Variants in HDAC9 observed in about 807,000 individuals in gnomAD.
HDAC9 encodes histone deacetylase 9.
A neutral mutation model predicts 139.4 loss-of-function variants in HDAC9; 41 were observed. The ratio of observed to expected loss-of-function variants is 0.29; its 90% CI spans 0.23 to 0.38. The LOEUF is 0.38. HDAC9 is among the 10% of genes least tolerant of loss of function. HDAC9 has a pLI of 1.00. For synonymous variants in HDAC9, 517 were observed against 476.2 expected (o/e 1.09, Z -1.12); for missense variants, 1,147 against 1,297.0 (o/e 0.88, Z 1.78).
intron 12 of HDAC9, among the ~76,000 whole-genome samples, chr7:18,671,002 T>G (rs896343927): frequency 1.3e-5 from 2 of 151,958 alleles, no homozygotes; most frequent in Non-Finnish European, 1.5e-5. Context: ...TAGGAGGGAC[T>G]GAAACAGAGT....
At chr7:18,301,318 A>C (rs1798523624) in intron 1 of HDAC9, among the ~76,000 whole-genome samples, 1 of 152,318 alleles carries the variant, frequency 6.6e-6, no homozygotes, top group South Asian at 2.1e-4. Context: ...GATGGAGCAA[A>C]TTAATTTAAA....
chr7:18,190,731 A>G (rs1192449171), intron 2 of HDAC9, among the ~76,000 whole-genome samples: 1 of 151,994 alleles, frequency 6.6e-6, no homozygotes, highest in African/African-American at 2.4e-5. Flanking sequence ...CCCAATTTTC[A>G]CTCTTATTAA....
At chr7:18,180,551 T>A (rs920473939) in intron 2 of HDAC9, among the ~76,000 whole-genome samples, 1 of 152,074 alleles carries the variant, frequency 6.6e-6, no homozygotes, top group Non-Finnish European at 1.5e-5. Flanking sequence ...CAGAACTCAA[T>A]GGGCTGTATA....
chr7:18,780,023 A>C (rs941034368), intron 16 of HDAC9, among the ~76,000 whole-genome samples: 1 of 152,024 alleles, frequency 6.6e-6, no homozygotes, highest in Non-Finnish European at 1.5e-5. Context: ...CTGCTCCAAA[A>C]GCGCTTTTTC....
At chr7:18,712,354 G>A (rs7812153) in intron 12 of HDAC9, among the ~76,000 whole-genome samples, 10,157 of 152,186 alleles carry the variant, frequency 0.067, 1,052 homozygotes, top group African/African-American at 0.22. Context: ...ATGGGCTCTA[G>A]CATGTGGGAC....
At chr7:18,167,397 T>G (rs1183059393) in intron 2 of HDAC9, among the ~76,000 whole-genome samples, 6 of 152,130 alleles carry the variant, frequency 3.9e-5, no homozygotes, top group African/African-American at 1.5e-4. Context: ...AAATTTGTTT[T>G]GAACATTTAT....
At chr7:18,923,500 C>T (rs1223177534) in intron 22 of HDAC9, among the ~76,000 whole-genome samples, 1 of 151,994 alleles carries the variant, frequency 6.6e-6, no homozygotes, top group African/African-American at 2.4e-5. Flanking sequence ...AAAGTCCTGG[C>T]AACTCCTCTT....
intron 2 of HDAC9, among the ~76,000 whole-genome samples, chr7:18,264,699 C>T (rs964864806): frequency 6.6e-6 from 1 of 152,138 alleles, no homozygotes; most frequent in Admixed American, 6.5e-5. Context: ...ACATTCTTGC[C>T]TATGCATACC....
chr7:18,353,162 A>G (rs1396078761), intron 1 of HDAC9, among the ~76,000 whole-genome samples: 1 of 152,208 alleles, frequency 6.6e-6, no homozygotes, highest in Non-Finnish European at 1.5e-5. Context: ...TGATACAGGC[A>G]TACAAAAGTT....
chr7:18,379,941 A>G (rs1331131482), intron 1 of HDAC9, among the ~76,000 whole-genome samples: 2 of 152,212 alleles, frequency 1.3e-5, no homozygotes, highest in African/African-American at 4.8e-5. Flanking sequence ...TTACTCAAGA[A>G]AACCTCCACT....
chr7:18,818,046 C>G (rs1156808024), intron 17 of HDAC9, among the ~76,000 whole-genome samples: 1 of 152,206 alleles, frequency 6.6e-6, no homozygotes, highest in Non-Finnish European at 1.5e-5. Context: ...AGTTCACACA[C>G]ATAAAACATC....
chr7:18,162,577 G>A (rs377392197), intron 2 of HDAC9: 29 of 544,074 alleles, frequency 5.3e-5, no homozygotes, highest in East Asian at 2.8e-4. Flanking sequence ...CTGAGCATGG[G>A]ACTTTAATTC....
chr7:18,573,275 ATTCTT>A (rs1824898486), intron 2 of HDAC9, among the ~76,000 whole-genome samples: 1 of 152,222 alleles, frequency 6.6e-6, no homozygotes. Context: ...TTATAAAATG[ATTCTT>A]TTCATGTTTG....
chr7:18,817,719 T>A (rs1018870), intron 17 of HDAC9, among the ~76,000 whole-genome samples: 12,640 of 152,270 alleles, frequency 0.083, 1,722 homozygotes, highest in African/African-American at 0.28. Flanking sequence ...GAGGTTAGAA[T>A]GGGCACTTGC....
Position 18,168,926 on chromosome 7 carries a change from T to TGCGC in HDAC9, c.25+6580_25+6583dup, listed in dbSNP as rs1554318239. Among the ~76,000 whole-genome samples the TGCGC allele has an allele frequency of 7.7e-3, 1,000 of 130,050 alleles. 18 individuals are homozygous for TGCGC. The highest frequency in any genetic ancestry group is 0.027 in the African/African-American group (906 of 34,052). 85.3% of individuals were successfully genotyped at this position (130,050 alleles called of 152,430 possible). ...GTGTGTGTGTGTGTGTGTGTGTGTG[T>TGCGC]GCGCGCATGTGTCTCTGTGTGTGTG... On this transcript the variant is annotated intron_variant, in intron 2 of 12. Transcript: ENST00000417496.
intron 2 of HDAC9, among the ~76,000 whole-genome samples, chr7:18,200,766 A>C (rs569677645): frequency 7.2e-4 from 110 of 152,294 alleles, no homozygotes; most frequent in African/African-American, 2.5e-3. Context: ...TCTCTTTCAC[A>C]GAGGTCAATG....
intron 1 of HDAC9, among the ~76,000 whole-genome samples, chr7:18,449,192 G>C (rs192078658): frequency 6.6e-6 from 1 of 152,224 alleles, no homozygotes; most frequent in East Asian, 1.9e-4. Flanking sequence ...GTTTGTAGCA[G>C]CCCTATTTAT....
intron 1 of HDAC9, among the ~76,000 whole-genome samples, chr7:18,140,573 A>G (rs371076164): frequency 1.6e-4 from 25 of 152,194 alleles, no homozygotes; most frequent in African/African-American, 5.5e-4. Context: ...TGCTTAGGCT[A>G]TTGATTAGTG....
intron 1 of HDAC9, among the ~76,000 whole-genome samples, chr7:18,126,142 A>AT (rs1784652791): frequency 6.6e-6 from 1 of 152,184 alleles, no homozygotes; most frequent in African/African-American, 2.4e-5. Context: ...TCTGGTATTG[A>AT]TTCGCTTGTG....
Sources: gnomAD v4.1 joint callset for allele counts (sites outside exome capture counted in the v4.1 genomes callset) on GRCh38, gnomAD v4.1.1 for gene constraint, MANE v1.5 for transcripts, NCBI Gene and HGNC (gene_info 2026-07-23, HGNC 2026-07-21) for gene names.